Variants in RAG1 observed in about 807,000 individuals in gnomAD.
RAG1 encodes the protein V(D)J recombination-activating protein 1.
In RAG1, 35 loss-of-function variants were observed where a neutral mutation model predicts 62.7. That is an observed-to-expected ratio of 0.56 (90% CI 0.43 to 0.74). The LOEUF (loss-of-function observed/expected upper bound fraction) is 0.74. Ranked by LOEUF, RAG1 falls within the 30% of genes least tolerant of loss-of-function variation. RAG1 has a pLI of 0.00. For synonymous variants in RAG1, 461 were observed against 470.3 expected, an observed-to-expected ratio of 0.98 and a Z score of 0.26; for missense variants, 1,169 against 1,278.6, an observed-to-expected ratio of 0.91 and a Z score of 1.31.
chr11:36,559,881 G>A (rs1850556640), intron 3 of RAG1, among the ~76,000 whole-genome samples: 1 of 152,044 alleles, frequency 6.6e-6, no homozygotes, highest in Admixed American at 6.5e-5. Context: ...TTCTTCTTTA[G>A]GGTCTGTTAC....
chr11:36,565,341 A>G (rs541986919), upstream of RAG1, among the ~76,000 whole-genome samples: 10 of 152,314 alleles, frequency 6.6e-5, no homozygotes, highest in East Asian at 3.9e-4. Context: ...TTGGGAGCCA[A>G]GGGGAATAAG....
chr11:36,562,587 C>T (rs145325642), intron 3 of RAG1, among the ~76,000 whole-genome samples: 1 of 152,114 alleles, frequency 6.6e-6, no homozygotes, highest in Non-Finnish European at 1.5e-5. Context: ...CCATGATAAC[C>T]ATACTCACTC....
At position 36,576,071 on chromosome 11, in the gene RAG1, C is replaced by G; in HGVS notation, c.2767C>G (p.Leu923Val). The G allele has an allele frequency of 6.2e-7, 1 of 1,614,052 alleles. No individual in the cohort carries two copies. The highest frequency in any genetic ancestry group is 8.5e-7 in the Non-Finnish European group (1 of 1,180,038). ...SFNSQRFAEL[L>V]STKFKYRYEG... is the part of the protein sequence containing the mutation. ...CAATTCACAGCGTTTTGCTGAGCTC[C>G]TTTCTACGAAGTTCAAGTATAGGTA... is the stretch of plus-strand genomic sequence containing the variant. The change falls in exon 2 of 2, where the codon CTT (leucine) becomes GTT (valine). Residue 923 changes from leucine (L) to valine (V), a missense_variant. Coordinates refer to ENST00000299440, the MANE Select transcript of RAG1 (RefSeq NM_000448.3).
chr11:36,537,118 C>G (rs551543353), downstream of RAG1, among the ~76,000 whole-genome samples: 2 of 152,114 alleles, frequency 1.3e-5, no homozygotes, highest in East Asian at 3.9e-4. Context: ...AGGCAGAAAT[C>G]ATTTTCCTAA....
upstream of RAG1, among the ~76,000 whole-genome samples, chr11:36,564,438 G>C (rs576863086): frequency 6.6e-6 from 1 of 152,290 alleles, no homozygotes; most frequent in East Asian, 1.9e-4. Context: ...AGAGGGAAGA[G>C]AAGAGAAGCA....
chr11:36,517,312 G>A (rs1209896629), intron 1 of RAG1, among the ~76,000 whole-genome samples: 1 of 152,176 alleles, frequency 6.6e-6, no homozygotes, highest in East Asian at 1.9e-4. Flanking sequence ...TGTCTCTTGT[G>A]AGGCTGACTG....
At chr11:36,519,657 G>A (rs1348002230) in intron 1 of RAG1, among the ~76,000 whole-genome samples, 1 of 152,144 alleles carries the variant, frequency 6.6e-6, no homozygotes, top group Non-Finnish European at 1.5e-5. Flanking sequence ...TAGGCCAAAG[G>A]CTGTGAATAT....
chr11:36,525,549 G>T (rs1860147124), intron 2 of RAG1, among the ~76,000 whole-genome samples: 1 of 152,038 alleles, frequency 6.6e-6, no homozygotes, highest in African/African-American at 2.4e-5. Flanking sequence ...AATTTATTTA[G>T]ATCTTCTATG....
At position 36,529,473 on chromosome 11, in the gene RAG1, A is replaced by C. The variant is rs372929036; in HGVS notation, n.429-6486A>C. On this transcript the variant is annotated intron_variant and non_coding_transcript_variant, in intron 2 of 2. Coordinates refer to the RAG1 transcript ENST00000529126. ...TCATGCTAAAAATTCTCAATAAACT[A>C]GGTATTGATGGAACGTATCTCAAAA... Among the ~76,000 whole-genome samples the C allele has an allele frequency of 1.4e-3, 208 of 152,324 alleles. 2 individuals carry two copies. The highest frequency in any genetic ancestry group is 3.4e-3 in the Middle Eastern group (1 of 294).
chr11:36,517,908 T>G (rs910055286), intron 1 of RAG1, among the ~76,000 whole-genome samples: 1 of 152,020 alleles, frequency 6.6e-6, no homozygotes, highest in African/African-American at 2.4e-5. Context: ...TACATATGTA[T>G]ACATGTGCCA....
chr11:36,570,054 T>G (rs1310914709), intron 1 of RAG1, among the ~76,000 whole-genome samples: 3 of 152,162 alleles, frequency 2.0e-5, no homozygotes, highest in Non-Finnish European at 4.4e-5. Context: ...ATAATGCCCT[T>G]TGGGTAATTA....
At chr11:36,528,859 A>G (rs577442426) in intron 2 of RAG1, among the ~76,000 whole-genome samples, 6 of 152,342 alleles carry the variant, frequency 3.9e-5, no homozygotes, top group Admixed American at 6.5e-5. Context: ...AGAGAATACT[A>G]TAACCACCTC....
In RAG1 at chr11:36,574,383, C is replaced by G. The variant is rs376840051; in HGVS notation, c.1079C>G (p.Ala360Gly). 1.2e-6 allele frequency: 2 copies of G among 1,614,176 alleles called. No homozygotes were observed. Among genetic ancestry groups the G allele is most frequent in the Admixed American group, 1.7e-5 (1 of 60,020 alleles). ...AATTCCCTGATGGTGAAATGTCCAG[C>G]AAAAGAGTGCAATGAGGAGGTCAGT... ...VLNSLMVKCPAKECNEEVSLE... is the reference protein window; with the variant it reads ...VLNSLMVKCPGKECNEEVSLE... The change falls in exon 2 of 2, where the codon GCA becomes GGA. Residue 360 changes from alanine to glycine, a missense_variant. Transcript: ENST00000299440.
At chr11:36,511,569 C>T (rs553172389) in intron 1 of RAG1, among the ~76,000 whole-genome samples, 117 of 152,326 alleles carry the variant, frequency 7.7e-4, no homozygotes, top group African/African-American at 2.8e-3. Flanking sequence ...AAAAATGCTT[C>T]TCTTTTTAAG....
At chr11:36,573,070 A>C (rs1850772686) in intron 1 of RAG1, among the ~76,000 whole-genome samples, 1 of 152,196 alleles carries the variant, frequency 6.6e-6, no homozygotes, top group Non-Finnish European at 1.5e-5. Flanking sequence ...ATATTTAAGC[A>C]CTTATATGTG....
chr11:36,513,198 C>T (rs331450), intron 1 of RAG1, among the ~76,000 whole-genome samples: 9,383 of 152,246 alleles, frequency 0.062, 929 homozygotes, highest in African/African-American at 0.21. Flanking sequence ...ATACCAGCCC[C>T]TTGAGTTTGG....
chr11:36,520,187 G>A (rs1860056856), exon 2 of RAG1: 1 of 152,244 alleles, frequency 6.6e-6, no homozygotes, highest in African/African-American at 2.4e-5. Flanking sequence ...TGACATTGCA[G>A]TGGGGACGAT....
At chr11:36,573,060 A>G (rs1384378963) in intron 1 of RAG1, among the ~76,000 whole-genome samples, 1 of 152,202 alleles carries the variant, frequency 6.6e-6, no homozygotes, top group East Asian at 1.9e-4. Context: ...TTACATGTAT[A>G]TATTTAAGCA....
intron 1 of RAG1, among the ~76,000 whole-genome samples, chr11:36,514,623 G>A (rs1000025366): frequency 9.2e-5 from 14 of 152,192 alleles, no homozygotes; most frequent in Non-Finnish European, 1.5e-5. Context: ...CCCATCTGGG[G>A]GTGATGAGAG....
Sources: gnomAD v4.1 joint callset for allele counts (sites outside exome capture counted in the v4.1 genomes callset) on GRCh38, gnomAD v4.1.1 for gene constraint, MANE v1.5 for transcripts, NCBI Gene and HGNC (gene_info 2026-07-23, HGNC 2026-07-21) for gene names.